The following ZMYND8 variants were observed in gnomAD, a reference collection of about 807,000 sequenced individuals.
ZMYND8 encodes MYND-type zinc finger-containing chromatin reader ZMYND8.
Under a neutral mutation model 140.8 loss-of-function variants are expected in ZMYND8, and 37 were observed. The observed-to-expected ratio is 0.26, with a 90% confidence interval of 0.20 to 0.35. The LOEUF (loss-of-function observed/expected upper bound fraction) is 0.35, where lower values mean the gene tolerates loss of function less well. ZMYND8 is among the 10% of genes least tolerant of loss of function. The pLI, the probability that ZMYND8 is intolerant of heterozygous loss-of-function variation, is 1.00. For missense variants in ZMYND8, 1,068 were observed against 1,570.0 expected (o/e 0.68, Z 5.40); for synonymous variants, 592 against 597.1 (o/e 0.99, Z 0.12).
chr20:47,315,511 G>A (rs2079311597), intron 2 of ZMYND8, among the ~76,000 whole-genome samples: 1 of 152,016 alleles, frequency 6.6e-6, no homozygotes, highest in African/African-American at 2.4e-5. Context: ...TGAGACAGCA[G>A]GGGGGCATTA....
In ZMYND8 at chr20:47,209,979, C is replaced by T. The variant is rs2035028397; in HGVS notation, c.*782G>A. 1 of 152,558 alleles carries T rather than the reference C, an allele frequency of 6.6e-6. No homozygotes were observed. The highest frequency in any genetic ancestry group is 2.4e-5 in the African/African-American group (1 of 41,418). The allele number at this position is 152,558 out of a possible 1,614,324, so 9.5% of individuals were successfully genotyped here. On this transcript the variant is annotated 3_prime_UTR_variant, in exon 23 of 23. Transcript: ENST00000471951. ...TAAGGTTTCTCTTTTTTTCAGAGTT[C>T]ATGATCCTAAGACTTTCTGTGTTCT...
intron 8 of ZMYND8, among the ~76,000 whole-genome samples, chr20:47,286,047 A>T (rs1335439951): frequency 6.6e-6 from 1 of 152,064 alleles, no homozygotes; most frequent in Non-Finnish European, 1.5e-5. Context: ...AATAATAATT[A>T]ATTTAAAAAG....
At chr20:47,316,242 A>G (rs759789326) in intron 2 of ZMYND8, among the ~76,000 whole-genome samples, 6 of 151,648 alleles carry the variant, frequency 4.0e-5, no homozygotes, top group Non-Finnish European at 7.4e-5. Context: ...GAGGCAGGAA[A>G]ATTGCTTGAA....
intron 5 of ZMYND8, among the ~76,000 whole-genome samples, chr20:47,293,866 GT>G (rs368208341): frequency 1.2e-3 from 184 of 152,262 alleles, no homozygotes; most frequent in African/African-American, 4.3e-3. Flanking sequence ...TATGGGGGTG[GT>G]TTCCCCCATC....
chr20:47,249,852 A>C (rs2074025974), intron 12 of ZMYND8, among the ~76,000 whole-genome samples: 3 of 152,172 alleles, frequency 2.0e-5, no homozygotes. Flanking sequence ...TCCAGATTGA[A>C]GAGGACTTGT....
intron 14 of ZMYND8, among the ~76,000 whole-genome samples, chr20:47,243,396 T>C (rs1331809422): frequency 6.6e-6 from 1 of 152,252 alleles, no homozygotes; most frequent in African/African-American, 2.4e-5. Flanking sequence ...TTTAGAATCA[T>C]CTTCAGCTTA....
intron 14 of ZMYND8, among the ~76,000 whole-genome samples, chr20:47,240,866 T>C (rs1010755475): frequency 1.4e-4 from 22 of 152,102 alleles, no homozygotes; most frequent in Non-Finnish European, 3.2e-4. Context: ...TTTTATTTTA[T>C]GTTTTAAAGA....
At chr20:47,304,815 C>T (rs549623295) in intron 3 of ZMYND8, among the ~76,000 whole-genome samples, 9 of 152,164 alleles carry the variant, frequency 5.9e-5, no homozygotes, top group Admixed American at 1.3e-4. Flanking sequence ...AGAGGCAGCC[C>T]CCACTCAGCT....
intron 5 of ZMYND8, among the ~76,000 whole-genome samples, chr20:47,293,456 C>T (rs963411863): frequency 1.3e-5 from 2 of 152,154 alleles, no homozygotes; most frequent in Non-Finnish European, 2.9e-5. Flanking sequence ...GCCAACCCTT[C>T]CCCCACATGC....
chr20:47,352,082 C>T (rs2082829804), intron 1 of ZMYND8: 2 of 854,494 alleles, frequency 2.3e-6, no homozygotes, highest in African/African-American at 1.8e-5. Context: ...GGTTAGGAAT[C>T]GTGCAGCCCC....
Position 47,297,047 on chromosome 20 carries a change from G to A in ZMYND8, c.453+1682C>T, listed in dbSNP as rs192993062. ...TATCATTAAACAATTGGGAAAAGTT[G>A]GCCAAGACTAAAGAAAATTGGTGAA... On this transcript the variant is annotated intron_variant, in intron 4 of 22. Coordinates refer to ENST00000471951, the MANE Select transcript of ZMYND8 (RefSeq NM_001281775.3). Among the ~76,000 whole-genome samples the A allele has an allele frequency of 7.6e-3, 1,162 of 152,238 alleles. 19 individuals are homozygous for A. The highest frequency in any genetic ancestry group is 0.026 in the African/African-American group (1,093 of 41,530).
chr20:47,298,601 G>T lies in ZMYND8; in HGVS notation c.453+128C>A. On this transcript the variant is annotated intron_variant, in intron 4 of 22. Transcript: ENST00000471951. This position sits in a 1 kb window ranked among gnomAD's most constrained non-coding sequence, Gnocchi z 5.0. ...GGTCAAGAAGGGGGTGACCAGGATA[G>T]AACAGGTGGAAAGCAAGAAATTTCT... The T allele has an allele frequency of 6.7e-7, 1 of 1,497,770 alleles. No individual in the cohort carries two copies. Among genetic ancestry groups the T allele is most frequent in the East Asian group, 2.5e-5 (1 of 40,512 alleles). 92.8% of individuals were successfully genotyped at this position (1,497,770 alleles called of 1,614,324 possible).
At chr20:47,307,244 A>G (rs1013536474) in intron 3 of ZMYND8, among the ~76,000 whole-genome samples, 1 of 151,708 alleles carries the variant, frequency 6.6e-6, no homozygotes, top group Non-Finnish European at 1.5e-5. Flanking sequence ...TGAGGTGAGG[A>G]GTTTGAGACC....
intron 14 of ZMYND8, among the ~76,000 whole-genome samples, chr20:47,242,608 C>CGCAAAATGGTCG (rs1173926784): frequency 1.2e-4 from 18 of 152,180 alleles, no homozygotes; most frequent in African/African-American, 4.3e-4. Flanking sequence ...TAAGGGCAAC[C>CGCAAAATGGTCG]GCAAAATGGT....
At position 47,210,825 on chromosome 20, in the gene ZMYND8, T is replaced by A; in HGVS notation, c.3641A>T (p.Asn1214Ile). 6.2e-7 allele frequency: 1 copy of A among 1,614,152 alleles called. No homozygotes were observed. Among genetic ancestry groups the A allele is most frequent in the Non-Finnish European group, 8.5e-7 (1 of 1,180,034 alleles). The change falls in exon 23 of 23, where the codon AAC (asparagine) becomes ATC (isoleucine). Residue 1214 changes from asparagine to isoleucine, a missense_variant. Around this residue, in one of 10 missense-constraint regions of ZMYND8, gnomAD observed 180 missense variants for 187.8 expected, o/e 0.96. Coordinates refer to ENST00000471951, the MANE Select transcript of ZMYND8 (RefSeq NM_001281775.3). ...GAGGCTCTTCGTGCTGGTACTGGTG[T>A]TGTGATCGGAACGTGTCGATCCCCT... The part of the protein sequence containing the change: ...EKRGSTRSDH[N>I]TSTSTKSLLP...
intron 5 of ZMYND8, among the ~76,000 whole-genome samples, chr20:47,294,226 C>G (rs1305818195): frequency 6.6e-6 from 1 of 151,982 alleles, no homozygotes; most frequent in African/African-American, 2.4e-5. Context: ...GTGGCGGGAG[C>G]CTGTAATCCC....
At chr20:47,329,264 T>C (rs1338986612) in intron 2 of ZMYND8, among the ~76,000 whole-genome samples, 1 of 152,190 alleles carries the variant, frequency 6.6e-6, no homozygotes, top group African/African-American at 2.4e-5. Context: ...TGTGATCCAA[T>C]CAAGCTTGCT....
At chr20:47,331,295 T>C (rs1601996527) in intron 2 of ZMYND8, among the ~76,000 whole-genome samples, 2 of 152,348 alleles carry the variant, frequency 1.3e-5, no homozygotes, top group South Asian at 2.1e-4. Context: ...ACGAGGCCAC[T>C]GTAGTTCAAT....
intron 7 of ZMYND8, among the ~76,000 whole-genome samples, chr20:47,289,369 T>C (rs1034139040): frequency 4.6e-5 from 7 of 152,064 alleles, no homozygotes; most frequent in African/African-American, 1.7e-4. Flanking sequence ...GAATGTAAAA[T>C]GATAGAACCA....
Sources: gnomAD v4.1 joint callset for allele counts (sites outside exome capture counted in the v4.1 genomes callset) on GRCh38, gnomAD v4.1.1 for gene constraint, gnomAD v4.1.1 regional missense constraint, Gnocchi (gnomAD v3.1) non-coding constraint, MANE v1.5 for transcripts, NCBI Gene and HGNC (gene_info 2026-07-23, HGNC 2026-07-21) for gene names.